The following ANKS1A variants were observed in gnomAD, a reference collection of about 807,000 sequenced individuals.
The protein encoded by ANKS1A is ankyrin repeat and SAM domain-containing protein 1A.
A neutral mutation model predicts 120.3 loss-of-function variants in ANKS1A; 55 were observed. The observed-to-expected ratio is 0.46, with a 90% CI of 0.37 to 0.57. ANKS1A has a LOEUF of 0.57. Among genes scored for constraint, ANKS1A ranks in the 20% least tolerant of loss-of-function variants. The pLI is 0.00. For missense variants in ANKS1A, 1,123 were observed against 1,480.3 expected (o/e 0.76, Z 3.96); for synonymous variants, 590 against 604.7 (o/e 0.98, Z 0.36).
At chr6:35,022,665 A>G (rs1479992422) in intron 11 of ANKS1A, among the ~76,000 whole-genome samples, 2 of 152,200 alleles carry the variant, frequency 1.3e-5, no homozygotes, top group Non-Finnish European at 2.9e-5. Flanking sequence ...TTGGGACATA[A>G]TAGAGGGCAA....
intron 13 of ANKS1A, among the ~76,000 whole-genome samples, chr6:35,076,038 T>A (rs1336547923): frequency 6.6e-6 from 1 of 152,228 alleles, no homozygotes; most frequent in East Asian, 1.9e-4. Flanking sequence ...GTGTTGGGAT[T>A]ACAAGCGTAA....
chr6:35,091,681 ACTG>A (rs1161698718), downstream of ANKS1A, among the ~76,000 whole-genome samples: 1 of 152,174 alleles, frequency 6.6e-6, no homozygotes, highest in East Asian at 1.9e-4. Context: ...CATTCTAGTT[ACTG>A]CTGCAGTGGC....
At position 35,082,806 on chromosome 6, in the gene ANKS1A, A is replaced by T; in HGVS notation, c.2825A>T (p.Tyr942Phe). ...PEKLIFESCG[Y>F]EANYLGSMLI... Reference sequence around the variant, plus strand: ...AAACTCATCTTCGAGTCCTGTGGTTATGAAGCCAATGTGAGTTGCTCCCAC... The same window carrying T: ...AAACTCATCTTCGAGTCCTGTGGTTTTGAAGCCAATGTGAGTTGCTCCCAC... The change falls in exon 18 of 24, where the codon TAT becomes TTT. Residue 942 changes from tyrosine (Y) to phenylalanine (F), a missense_variant. Around this residue, in one of 3 missense-constraint regions of ANKS1A, gnomAD observed 904 missense variants for 1,130.4 expected, o/e 0.80. Coordinates refer to ENST00000360359, the MANE Select transcript of ANKS1A (RefSeq NM_015245.3). The surrounding 1 kb of genome is among the most constrained non-coding windows in gnomAD (Gnocchi z 4.1). The T allele has an allele frequency of 6.2e-7, 1 of 1,613,314 alleles. No individual in the cohort carries two copies. The highest frequency in any genetic ancestry group is 8.5e-7 in the Non-Finnish European group (1 of 1,179,580).
chr6:34,990,418 A>G (rs1438389277), intron 9 of ANKS1A, among the ~76,000 whole-genome samples: 1 of 151,806 alleles, frequency 6.6e-6, no homozygotes, highest in Non-Finnish European at 1.5e-5. Context: ...ACACATTTCT[A>G]GTAGATCCAA....
Position 34,983,147 on chromosome 6 carries a change from G to GA in ANKS1A, c.844dup (p.Thr282AsnfsTer22). Reference sequence around the variant, plus strand: ...TCAACATAAAAGATAACCATGGACTGACTGCCCTAGACACTGTTCGGGAAC... The same window carrying GA: ...TCAACATAAAAGATAACCATGGACTGAACTGCCCTAGACACTGTTCGGGAAC... On this transcript the variant is annotated frameshift_variant, in exon 6 of 24. Transcript: ENST00000360359. LOFTEE classifies it high-confidence loss of function. 1 of 1,614,140 alleles carries GA rather than the reference G, an allele frequency of 6.2e-7. No homozygotes were observed. The highest frequency in any genetic ancestry group is 2.2e-5 in the East Asian group (1 of 44,890).
intron 1 of ANKS1A, among the ~76,000 whole-genome samples, chr6:34,965,713 T>C (rs1770861213): frequency 1.3e-5 from 2 of 152,032 alleles, no homozygotes; most frequent in African/African-American, 4.8e-5. Flanking sequence ...CAGATGGCTT[T>C]ACTGGTGATT....
At chr6:34,899,595 T>G (rs1274226028) in intron 1 of ANKS1A, among the ~76,000 whole-genome samples, 3 of 152,264 alleles carry the variant, frequency 2.0e-5, no homozygotes, top group Non-Finnish European at 4.4e-5. Context: ...TCTTTTAAAT[T>G]ATAGTTGAGA....
intron 15 of ANKS1A, 58 bp from the exon 16 acceptor site, chr6:35,079,763 G>A: frequency 6.2e-7 from 1 of 1,608,796 alleles, no homozygotes. Flanking sequence ...GGGGGCTGGA[G>A]CGGACTGTGA....
At chr6:34,937,368 TTTA>T (rs1366185601) in intron 1 of ANKS1A, among the ~76,000 whole-genome samples, 1 of 152,008 alleles carries the variant, frequency 6.6e-6, no homozygotes, top group East Asian at 1.9e-4. Context: ...TGTTTTAGAA[TTTA>T]TTATCTTAGG....
chr6:35,019,983 G>C (rs537925177), intron 11 of ANKS1A, among the ~76,000 whole-genome samples: 1 of 152,168 alleles, frequency 6.6e-6, no homozygotes, highest in East Asian at 1.9e-4. Flanking sequence ...CTGGTGGGAC[G>C]AGGAGAGGTG....
rs1457818802 is a variant in ANKS1A at position 35,086,164 on chromosome 6, C to A, written c.3303+228C>A. On this transcript the variant is annotated intron_variant, in intron 22 of 23. Coordinates refer to ENST00000360359, the MANE Select transcript of ANKS1A (RefSeq NM_015245.3). This position sits in a 1 kb window ranked among gnomAD's most constrained non-coding sequence, Gnocchi z 5.1. ...GCTCCTGTTTCCCTCCCTCGCTGGG[C>A]TCCCCCAAGGGCAAGGCCGTCAAGG... The A allele has an allele frequency of 3.3e-6, 4 of 1,215,496 alleles. No homozygotes were observed. The highest frequency in any genetic ancestry group is 4.5e-6 in the Non-Finnish European group (4 of 886,960). 75.3% of individuals were successfully genotyped at this position (1,215,496 alleles called of 1,614,324 possible). A position where few individuals can be genotyped will look rare whatever the true frequency, so the allele number is the denominator to read the frequency against.
intron 3 of ANKS1A, among the ~76,000 whole-genome samples, chr6:34,971,531 T>TA (rs1355419461): frequency 1.3e-5 from 2 of 152,212 alleles, no homozygotes; most frequent in African/African-American, 4.8e-5. Context: ...AGCAGATACT[T>TA]TTCTCAGTTC....
intron 11 of ANKS1A, among the ~76,000 whole-genome samples, chr6:35,042,428 CT>C (rs1775506798): frequency 6.6e-6 from 1 of 152,218 alleles, no homozygotes; most frequent in African/African-American, 2.4e-5. Flanking sequence ...GGTGTAACCA[CT>C]TTTAAAAGCT....
chr6:35,028,580 G>C (rs1374997929), intron 11 of ANKS1A, among the ~76,000 whole-genome samples: 1 of 152,142 alleles, frequency 6.6e-6, no homozygotes, highest in African/African-American at 2.4e-5. Flanking sequence ...CAGATTTTCA[G>C]TTCTTCTCCC....
At position 34,889,623 on chromosome 6, in the gene ANKS1A, C is replaced by A; in HGVS notation, c.197+24C>A. ...AGGTGGGTACGCGCCAGGGCCGGGC[C>A]GCTGCCTGCAGACCCTTTCTCCCCC... On this transcript the variant is annotated intron_variant, in intron 1 of 23. Transcript: ENST00000360359. The surrounding 1 kb of genome is among the most constrained non-coding windows in gnomAD (Gnocchi z 5.5). 7.8e-7 allele frequency: 1 copy of A among 1,281,272 alleles called. No homozygotes were observed. Among genetic ancestry groups the A allele is most frequent in the Non-Finnish European group, 9.8e-7 (1 of 1,018,750 alleles). 79.4% of individuals were successfully genotyped at this position (1,281,272 alleles called of 1,614,324 possible).
In ANKS1A at chr6:35,050,469, C is replaced by T. The variant is rs945770947; in HGVS notation, c.2011-3630C>T. The stretch of plus-strand genomic sequence containing the variant: ...TCCATTACACTTAACCTGCCTCTTC[C>T]CCTGAAATGCAGACCATTTCTGGGA... On this transcript the variant is annotated intron_variant, in intron 11 of 23. Transcript: ENST00000360359. The surrounding 1 kb of genome is among the most constrained non-coding windows in gnomAD (Gnocchi z 4.3). 7.9e-5 allele frequency among the ~76,000 whole-genome samples: 12 copies of T among 152,060 alleles called. No individual in the cohort carries two copies. The highest frequency in any genetic ancestry group is 1.5e-5 in the Non-Finnish European group (1 of 67,972).
At position 35,057,138 on chromosome 6, in the gene ANKS1A, C is replaced by T. The variant is rs752728481; in HGVS notation, c.2077+2973C>T. Among the ~76,000 whole-genome samples the T allele has an allele frequency of 2.4e-4, 36 of 151,982 alleles. No individual in the cohort carries two copies. Among genetic ancestry groups the T allele is most frequent in the Non-Finnish European group, 2.1e-4 (14 of 68,006 alleles). ...TGCAGAGGCGCCCGCACCCCCCAGC[C>T]GAAGGGCACGACCACAGCATTGGAG... On this transcript the variant is annotated intron_variant, in intron 12 of 23. Transcript: ENST00000360359. This position sits in a 1 kb window ranked among gnomAD's most constrained non-coding sequence, Gnocchi z 4.1.
chr6:35,005,327 A>G (rs908433204), intron 10 of ANKS1A, among the ~76,000 whole-genome samples: 1 of 152,188 alleles, frequency 6.6e-6, no homozygotes, highest in Non-Finnish European at 1.5e-5. Context: ...GAAACTGAGC[A>G]ACTTACCTTA....
chr6:34,996,536 A>G (rs528675756), intron 10 of ANKS1A, among the ~76,000 whole-genome samples: 1 of 151,774 alleles, frequency 6.6e-6, no homozygotes, highest in South Asian at 2.1e-4. Context: ...GCAGTGGCCC[A>G]ATCTCAGCTC....
Sources: gnomAD v4.1 joint callset for allele counts (sites outside exome capture counted in the v4.1 genomes callset) on GRCh38, gnomAD v4.1.1 for gene constraint, gnomAD v4.1.1 regional missense constraint, Gnocchi (gnomAD v3.1) non-coding constraint, MANE v1.5 for transcripts, NCBI Gene and HGNC (gene_info 2026-07-23, HGNC 2026-07-21) for gene names.